The following CLMP variants were observed in gnomAD, a reference collection of about 807,000 sequenced individuals.
CLMP encodes the protein CXADR like cell adhesion molecule.
A neutral mutation model predicts 45.2 loss-of-function variants in CLMP; 27 were observed. That is an observed-to-expected ratio of 0.60 (90% CI 0.44 to 0.82). The LOEUF (loss-of-function observed/expected upper bound fraction) is 0.82, where lower values mean the gene tolerates loss of function less well. Among genes scored for constraint, CLMP ranks in the 40% least tolerant of loss-of-function variants. The pLI, the probability that CLMP is intolerant of heterozygous loss-of-function variation, is 0.00. For missense variants in CLMP, 403 were observed against 448.4 expected (o/e 0.90, Z 0.91); for synonymous variants, 167 against 171.4 (o/e 0.97, Z 0.20).
At chr11:123,089,373 C>T (rs966500052) in intron 2 of CLMP, among the ~76,000 whole-genome samples, 6 of 151,190 alleles carry the variant, frequency 4.0e-5, no homozygotes, top group Admixed American at 2.6e-4. Flanking sequence ...AAAAAAGAAA[C>T]ACATTTTTCT....
intron 1 of CLMP, among the ~76,000 whole-genome samples, chr11:123,128,875 AC>A (rs1860940067): frequency 1.3e-5 from 2 of 152,032 alleles, no homozygotes; most frequent in Non-Finnish European, 2.9e-5. Context: ...TCCTTACACA[AC>A]CCCATACAAT....
At chr11:123,190,452 T>C (rs147404582) in intron 1 of CLMP, among the ~76,000 whole-genome samples, 228 of 152,296 alleles carry the variant, frequency 1.5e-3, no homozygotes, top group African/African-American at 5.2e-3. Flanking sequence ...ATAAGGAAAC[T>C]TAGAGATAAC....
chr11:123,139,764 C>T (rs1229754612), intron 1 of CLMP, among the ~76,000 whole-genome samples: 9 of 151,598 alleles, frequency 5.9e-5, no homozygotes, highest in Admixed American at 5.9e-4. Context: ...TGCAGTGAGC[C>T]GAGATTGCGC....
Position 123,166,410 on chromosome 11 carries a change from G to C in CLMP, c.28+28503C>G, listed in dbSNP as rs897185193. On this transcript the variant is annotated intron_variant, in intron 1 of 6. Coordinates refer to ENST00000448775, the MANE Select transcript of CLMP (RefSeq NM_024769.5). ...ACAGAGCTTGTGTATCAGCCTGACG[G>C]CTTCAATAGCCCAGAGTCTGCTGCG... Among the ~76,000 whole-genome samples, 3 of 152,242 alleles carry C rather than the reference G, an allele frequency of 2.0e-5. No homozygotes were observed. The East Asian group carries it at 5.8e-4, about 29-fold the overall frequency.
In CLMP at chr11:123,195,141, G is replaced by T. The variant is rs1020310566; in HGVS notation, c.-201C>A. ...TGGGCTCCCGGCGCTCGCCCCACCA[G>T]CTGGCGCCCGGACGGGAGCCGGGAC... On this transcript the variant is annotated 5_prime_UTR_variant, in exon 1 of 7. In the 5' UTR this introduces an upstream ATG that the reference lacks. Transcript: ENST00000448775. 1.6e-4 allele frequency: 50 copies of T among 310,208 alleles called. No individual in the cohort carries two copies. Among genetic ancestry groups the T allele is most frequent in the Non-Finnish European group, 2.4e-4 (42 of 172,960 alleles). The allele number at this position is 310,208 out of a possible 1,614,324, so 19.2% of individuals were successfully genotyped here.
chr11:123,124,280 T>C (rs1463715662), intron 1 of CLMP, among the ~76,000 whole-genome samples: 1 of 152,072 alleles, frequency 6.6e-6, no homozygotes, highest in Admixed American at 6.6e-5. Flanking sequence ...CCTCCCAAAG[T>C]GTTGGGATTA....
At chr11:123,134,239 G>T (rs1255202598) in intron 1 of CLMP, among the ~76,000 whole-genome samples, 1 of 150,320 alleles carries the variant, frequency 6.7e-6, no homozygotes, top group African/African-American at 2.5e-5. Flanking sequence ...CAGCCTGGGC[G>T]ACAGTGAGAC....
intron 1 of CLMP, among the ~76,000 whole-genome samples, chr11:123,141,974 A>T (rs868041022): frequency 6.9e-6 from 1 of 143,990 alleles, no homozygotes; most frequent in Non-Finnish European, 1.5e-5. Context: ...GCTAACCAAA[A>T]TCCCCCCAGC....
At chr11:123,185,956 CTG>C (rs1861828962) in intron 1 of CLMP, among the ~76,000 whole-genome samples, 1 of 152,120 alleles carries the variant, frequency 6.6e-6, no homozygotes, top group African/African-American at 2.4e-5. Flanking sequence ...TGCCTGGAAA[CTG>C]GGGGTGAGGA....
At chr11:123,193,661 T>C (rs1861939322) in intron 1 of CLMP, among the ~76,000 whole-genome samples, 1 of 152,188 alleles carries the variant, frequency 6.6e-6, no homozygotes, top group Non-Finnish European at 1.5e-5. Context: ...GTATAATTGG[T>C]TTGTAAAGTT....
At chr11:123,150,416 T>A (rs868205856) in intron 1 of CLMP, among the ~76,000 whole-genome samples, 102 of 30,942 alleles carry the variant, frequency 3.3e-3, no homozygotes, top group African/African-American at 0.01. Context: ...GGAAGGAAGG[T>A]AAGAAAGAAA....
intron 5 of CLMP, among the ~76,000 whole-genome samples, chr11:123,082,361 T>G (rs943005451): frequency 6.6e-6 from 1 of 152,128 alleles, no homozygotes; most frequent in Non-Finnish European, 1.5e-5. Flanking sequence ...CAGGCTGGAG[T>G]GCAATGGCAC....
At chr11:123,103,919 T>TC (rs1860494658) in intron 1 of CLMP, among the ~76,000 whole-genome samples, 3 of 150,568 alleles carry the variant, frequency 2.0e-5, no homozygotes, top group African/African-American at 7.3e-5. Flanking sequence ...AACCTCTGCC[T>TC]CCCAGGTTAA....
intron 2 of CLMP, among the ~76,000 whole-genome samples, chr11:123,092,571 C>T (rs1483943560): frequency 6.6e-6 from 1 of 152,158 alleles, no homozygotes; most frequent in Non-Finnish European, 1.5e-5. Flanking sequence ...GCTGGGATTA[C>T]AGGCGTGAGC....
chr11:123,121,813 T>C (rs1174047528), intron 1 of CLMP, among the ~76,000 whole-genome samples: 8 of 152,196 alleles, frequency 5.3e-5, no homozygotes, highest in Non-Finnish European at 1.2e-4. Context: ...CAGCCAAACA[T>C]TTGTTGACAT....
At chr11:123,124,571 A>G (rs2169355) in intron 1 of CLMP, among the ~76,000 whole-genome samples, 108,248 of 152,142 alleles carry the variant, frequency 0.71, 39,041 homozygotes, top group African/African-American at 0.82. Context: ...TAATCTAACA[A>G]CCATCTGCTT....
At chr11:123,113,487 G>C (rs1860671536) in intron 1 of CLMP, among the ~76,000 whole-genome samples, 1 of 152,206 alleles carries the variant, frequency 6.6e-6, no homozygotes, top group Admixed American at 6.5e-5. Context: ...CCCAGACCTT[G>C]AAGAGTACGT....
chr11:123,120,341 T>C (rs1455674438), intron 1 of CLMP, among the ~76,000 whole-genome samples: 4 of 152,110 alleles, frequency 2.6e-5, no homozygotes, highest in African/African-American at 9.7e-5. Context: ...CTTTCAGATG[T>C]TGGACCTCCT....
intron 1 of CLMP, among the ~76,000 whole-genome samples, chr11:123,130,234 G>T (rs947683080): frequency 1.3e-5 from 2 of 152,072 alleles, no homozygotes; most frequent in African/African-American, 4.8e-5. Flanking sequence ...CTTTACAGGG[G>T]AGTCCAAGGG....
Sources: gnomAD v4.1 joint callset for allele counts (sites outside exome capture counted in the v4.1 genomes callset) on GRCh38, gnomAD v4.1.1 for gene constraint, MANE v1.5 for transcripts, NCBI Gene and HGNC (gene_info 2026-07-23, HGNC 2026-07-21) for gene names.